ENGASE: variants seen among roughly 807,000 people sequenced by gnomAD.
ENGASE encodes endo-beta-N-acetylglucosaminidase.
ENGASE carries 69 observed loss-of-function variants against 78.5 expected under a neutral mutation model. The observed-to-expected ratio is 0.88, with a 90% CI of 0.72 to 1.07. ENGASE has a LOEUF of 1.07. ENGASE is among the 50% of genes least tolerant of loss of function. ENGASE has a pLI of 0.00. For synonymous variants in ENGASE, 408 were observed against 408.9 expected, an observed-to-expected ratio of 1.00 and a Z score of 0.03; for missense variants, 943 against 988.4, an observed-to-expected ratio of 0.95 and a Z score of 0.62.
chr17:79,081,762 G>A, intron 6 of ENGASE, 136 bp from the exon 7 acceptor site: 1 of 994,286 alleles, frequency 1.0e-6, no homozygotes. Flanking sequence ...GGGGTGGGGT[G>A]GGGTGGGGTG....
At position 79,082,028 on chromosome 17, in the gene ENGASE, G is replaced by A; in HGVS notation, c.1003G>A (p.Gly335Arg). Residue 335 changes from glycine to arginine, a missense_variant, in exon 7 of 14, where the codon GGG (glycine) becomes AGG (arginine). Transcript: ENST00000579016. Reference protein sequence around the residue: ...VYVGVDVFARGNVVGGRFDTD... With the variant: ...VYVGVDVFARRNVVGGRFDTD... ...CGTGGGCGTGGATGTGTTTGCTCGAGGGAACGTGGTCGGAGGCCGATTCGA... is the reference window on the plus strand; with the variant it reads ...CGTGGGCGTGGATGTGTTTGCTCGAAGGAACGTGGTCGGAGGCCGATTCGA... The A allele has an allele frequency of 1.2e-6, 2 of 1,614,222 alleles. No homozygotes were observed. The highest frequency in any genetic ancestry group is 1.7e-6 in the Non-Finnish European group (2 of 1,180,016).
chr17:79,077,556 G>A, intron 2 of ENGASE, 59 bp downstream of exon 2: 2 of 1,556,342 alleles, frequency 1.3e-6, no homozygotes, highest in Non-Finnish European at 1.7e-6. Flanking sequence ...TTTGGGGCAG[G>A]TCAGCCCCTG....
intron 6 of ENGASE, 61 bp from the exon 7 acceptor site, chr17:79,081,837 G>A (rs1049182210): frequency 3.9e-6 from 6 of 1,551,748 alleles, no homozygotes; most frequent in Non-Finnish European, 5.2e-6. Flanking sequence ...CTGCAGGGTT[G>A]GTGGGGGTGG....
chr17:79,079,433 G>A, intron 3 of ENGASE, 56 bp from the exon 4 acceptor site: 2 of 1,576,300 alleles, frequency 1.3e-6, no homozygotes, highest in Non-Finnish European at 1.7e-6. Flanking sequence ...CTGCCAAAGT[G>A]CTGGGAATAA....
intron 12 of ENGASE, 59 bp from the exon 13 acceptor site, chr17:79,085,561 G>C (rs916446567): frequency 1.9e-6 from 3 of 1,597,532 alleles, no homozygotes; most frequent in South Asian, 2.2e-5. Flanking sequence ...GCCTCTGGAC[G>C]GCTCACCCTG....
Position 79,081,955 on chromosome 17 carries a change from C to G in ENGASE, c.930C>G (p.His310Gln), listed in dbSNP as rs373702682. ...FFTNYNWREE[H>Q]LERMLGQAGE... ...CTAACTATAACTGGCGGGAGGAGCA[C>G]TTGGAGCGGATGCTGGGGCAGGCTG... is the stretch of plus-strand genomic sequence containing the variant. Residue 310 changes from histidine to glutamine, a missense_variant, in exon 7 of 14, where the codon CAC becomes CAG. By Grantham distance (24) the His-to-Gln change is conservative. Transcript: ENST00000579016. 6.2e-6 allele frequency: 10 copies of G among 1,614,058 alleles called. No homozygotes were observed. Among genetic ancestry groups the G allele is most frequent in the Admixed American group, 1.7e-5 (1 of 60,000 alleles).
chr17:79,082,828 T>TTGTGGCGGG (rs1237523037), intron 7 of ENGASE, 192 bp from the exon 8 acceptor site: 1 of 1,524,964 alleles, frequency 6.6e-7, no homozygotes, highest in East Asian at 2.6e-5. Flanking sequence ...TCCCGCGCCC[T>TTGTGGCGGG]CTTCTGGCGG....
At chr17:79,082,912 C>G (rs1211685971) in intron 7 of ENGASE, 108 bp from the exon 8 acceptor site, 1 of 1,571,402 alleles carries the variant, frequency 6.4e-7, no homozygotes, top group East Asian at 2.3e-5. Context: ...ACAGCTTCCC[C>G]CTCCCGTTTC....
At position 79,085,635 on chromosome 17, in the gene ENGASE, C is replaced by A. The variant is rs1273507453; in HGVS notation, c.1716C>A (p.Ser572Arg). The A allele has an allele frequency of 6.2e-7, 1 of 1,613,794 alleles. No individual in the cohort carries two copies. The change falls in exon 13 of 14, where the codon AGC (serine) becomes AGA (arginine). Residue 572 changes from serine to arginine, a missense_variant. Ser to Arg is a moderately radical substitution (Grantham distance 110). Transcript: ENST00000579016. ...GGWVQHCYEV[S>R]LRGCLLLDLL... ...CGCCCCGTAGCTGCTACGAGGTGAGCCTGCGTGGGTGCCTGCTGCTAGACC... is the reference window on the plus strand; with the variant it reads ...CGCCCCGTAGCTGCTACGAGGTGAGACTGCGTGGGTGCCTGCTGCTAGACC...
In ENGASE at chr17:79,077,461, C is replaced by G. The variant is rs749304585; in HGVS notation, c.178C>G (p.Arg60Gly). ...IKDEEEETVF[R>G]EVVSFSPDPL... Reference sequence around the variant, plus strand: ...AGATGAAGAAGAAGAGACAGTCTTTCGAGAGGTGGTCAGTTTTTCCCCGGA... The same window carrying G: ...AGATGAAGAAGAAGAGACAGTCTTTGGAGAGGTGGTCAGTTTTTCCCCGGA... Residue 60 changes from arginine to glycine, a missense_variant, in exon 2 of 14, where the codon CGA becomes GGA. Coordinates refer to ENST00000579016, the MANE Select transcript of ENGASE (RefSeq NM_001042573.3). The G allele has an allele frequency of 2.5e-6, 4 of 1,577,998 alleles. No homozygotes were observed. Among genetic ancestry groups the G allele is most frequent in the African/African-American group, 1.4e-5 (1 of 73,114 alleles).
chr17:79,083,876 A>C lies in ENGASE; in HGVS notation c.1367A>C (p.Glu456Ala). Reference protein sequence around the residue: ...RGWVRTHCCLEDAWHGGSSLL... With the variant: ...RGWVRTHCCLADAWHGGSSLL... ...TGGGTGAGGACGCACTGCTGCCTGG[A>C]GGATGCCTGGCACGGAGGCAGCTCC... The change falls in exon 10 of 14, where the codon GAG becomes GCG. Residue 456 changes from glutamate to alanine, a missense_variant. Physicochemically the swap from Glu to Ala is moderately radical, Grantham distance 107 (BLOSUM62 -1). Transcript: ENST00000579016. The surrounding 1 kb of genome is among the most constrained non-coding windows in gnomAD (Gnocchi z 4.9). 1 of 1,612,388 alleles carries C rather than the reference A, an allele frequency of 6.2e-7. No homozygotes were observed.
Position 79,083,975 on chromosome 17 carries a change from G to A in ENGASE, c.1442+24G>A. On this transcript the variant is annotated intron_variant, in intron 10 of 13. Coordinates refer to ENST00000579016, the MANE Select transcript of ENGASE (RefSeq NM_001042573.3). The surrounding 1 kb of genome is among the most constrained non-coding windows in gnomAD (Gnocchi z 4.9). ...AGGTGGGTGAGTGACGGAGGACGGT[G>A]GGCCCACCAGCTTCTCCCATCACAC... 1 of 1,598,256 alleles carries A rather than the reference G, an allele frequency of 6.3e-7. No homozygotes were observed.
At position 79,077,483 on chromosome 17, in the gene ENGASE, C is replaced by T. The variant is rs775234434; in HGVS notation, c.200C>T (p.Pro67Leu). The stretch of plus-strand genomic sequence containing the variant: ...TTTCGAGAGGTGGTCAGTTTTTCCC[C>T]GGACCCCCTGCCAGGTGAGGAGACA... ...TVFREVVSFS[P>L]DPLPVRYYDK... is the part of the protein sequence containing the mutation. The change falls in exon 2 of 14, where the codon CCG (proline) becomes CTG (leucine). Residue 67 changes from proline (P) to leucine (L), a missense_variant. By Grantham distance (98) the Pro-to-Leu change is moderately conservative. Transcript: ENST00000579016. The T allele has an allele frequency of 1.8e-5, 28 of 1,561,882 alleles. No homozygotes were observed. Among genetic ancestry groups the T allele is most frequent in the East Asian group, 1.3e-4 (6 of 44,632 alleles).
chr17:79,083,110 C>G lies in ENGASE; in HGVS notation c.1129C>G (p.Gln377Glu), dbSNP rs751237626. The G allele has an allele frequency of 6.2e-7, 1 of 1,613,044 alleles. No homozygotes were observed. Among genetic ancestry groups the G allele is most frequent in the Non-Finnish European group, 8.5e-7 (1 of 1,179,284 alleles). ...GTGTCTGGAGAAGAAGGATTTCTTC[C>G]AGAACCAGGACAAGTGAGTCCTGCT... ...YECLEKKDFF[Q>E]NQDKFWGRLE... The change falls in exon 8 of 14, where the codon CAG becomes GAG. Residue 377 changes from glutamine (Q) to glutamate (E), a missense_variant. Gln to Glu is a conservative substitution (Grantham distance 29). Coordinates refer to ENST00000579016, the MANE Select transcript of ENGASE (RefSeq NM_001042573.3). The surrounding 1 kb of genome is among the most constrained non-coding windows in gnomAD (Gnocchi z 4.9).
rs1040175977 is a variant in ENGASE at position 79,088,204 on chromosome 17, G to T, written c.*1855G>T. On this transcript the variant is annotated 3_prime_UTR_variant, in exon 14 of 14. Transcript: ENST00000579016. The stretch of plus-strand genomic sequence containing the variant: ...CTGTGACCATTCCCGGGAGCTCTTT[G>T]AGCCTTTCTGTCTCATTTGGAACCA... The T allele has an allele frequency of 1.4e-4, 22 of 152,090 alleles. No individual in the cohort carries two copies. The highest frequency in any genetic ancestry group is 4.8e-4 in the African/African-American group (20 of 41,408). The allele number at this position is 152,090 out of a possible 1,614,324, so 9.4% of individuals were successfully genotyped here. A position where few individuals can be genotyped will look rare whatever the true frequency, so the allele number is the denominator to read the frequency against.
chr17:79,083,172 G>A lies in ENGASE; in HGVS notation c.1142+49G>A, dbSNP rs201551149. On this transcript the variant is annotated intron_variant, in intron 8 of 13. Transcript: ENST00000579016. The surrounding 1 kb of genome is among the most constrained non-coding windows in gnomAD (Gnocchi z 4.9). ...TTAGTGCAGGCTGATGGGAGGGAGGGGTTTCTGGTGTCTCTGATAGGACAC... is the reference window on the plus strand; with the variant it reads ...TTAGTGCAGGCTGATGGGAGGGAGGAGTTTCTGGTGTCTCTGATAGGACAC... 2.3e-4 allele frequency: 309 copies of A among 1,356,890 alleles called. No homozygotes were observed. Among genetic ancestry groups the A allele is most frequent in the Middle Eastern group, 9.2e-4 (5 of 5,408 alleles). The allele number at this position is 1,356,890 out of a possible 1,614,324, so 84.1% of individuals were successfully genotyped here. A position where few individuals can be genotyped will look rare whatever the true frequency, so the allele number is the denominator to read the frequency against.
Position 79,077,847 on chromosome 17 carries a change from C to G in ENGASE, c.399C>G (p.Gly133=), listed in dbSNP as rs552337232. Residue 133 remains glycine (G), a synonymous_variant, in exon 3 of 14, where the codon GGC becomes GGG. Coordinates refer to ENST00000579016, the MANE Select transcript of ENGASE (RefSeq NM_001042573.3). ...PRTLLCHDMM[G]GYLDDRFIQG... ...CTTTGTTGTGTCATGACATGATGGG[C>G]GGGTACCTGGATGACAGGTGAGGAC... 6.8e-7 allele frequency: 1 copy of G among 1,465,996 alleles called. No individual in the cohort carries two copies. Among genetic ancestry groups the G allele is most frequent in the Non-Finnish European group, 9.2e-7 (1 of 1,088,452 alleles). 90.8% of individuals were successfully genotyped at this position (1,465,996 alleles called of 1,614,324 possible).
In ENGASE at chr17:79,083,929, G is replaced by C; in HGVS notation, c.1420G>C (p.Glu474Gln). Reference sequence around the variant, plus strand: ...GCTCGTCCGGGGTGTGATCCCACCGGAGGTTGGAAATGTGGCTGTGAGGTG... The same window carrying C: ...GCTCGTCCGGGGTGTGATCCCACCGCAGGTTGGAAATGTGGCTGTGAGGTG... ...SLLVRGVIPP[E>Q]VGNVAVRLFS... is the part of the protein sequence containing the mutation. The change falls in exon 10 of 14, where the codon GAG becomes CAG. Residue 474 changes from glutamate (E) to glutamine (Q), a missense_variant. Glu to Gln is a conservative substitution (Grantham distance 29). Transcript: ENST00000579016. This position sits in a 1 kb window ranked among gnomAD's most constrained non-coding sequence, Gnocchi z 4.9. 1 of 1,610,594 alleles carries C rather than the reference G, an allele frequency of 6.2e-7. No homozygotes were observed. Among genetic ancestry groups the C allele is most frequent in the Non-Finnish European group, 8.5e-7 (1 of 1,179,716 alleles).
rs3744177 is a variant in ENGASE, at chr17:79,084,724, C to T, written c.1591+38C>T. On this transcript the variant is annotated intron_variant, in intron 11 of 13. Transcript: ENST00000579016. Reference sequence around the variant, plus strand: ...GGCCCAGGCCTGCCTCTGCCCAGGGCGGAGAGCTCAGGGAAGAGAAGTGTG... The same window carrying T: ...GGCCCAGGCCTGCCTCTGCCCAGGGTGGAGAGCTCAGGGAAGAGAAGTGTG... 2.1e-4 allele frequency: 339 copies of T among 1,603,080 alleles called. 3 individuals carry two copies. In the East Asian group the frequency reaches 7.3e-3, roughly 34 times the overall value.
Sources: gnomAD v4.1 joint callset for allele counts on GRCh38, gnomAD v4.1.1 for gene constraint, Gnocchi (gnomAD v3.1) non-coding constraint, MANE v1.5 for transcripts, NCBI Gene and HGNC (gene_info 2026-07-23, HGNC 2026-07-21) for gene names.